The following EPHA3 variants were observed in gnomAD, a reference collection of about 807,000 sequenced individuals.
EPHA3 encodes the protein EPH receptor A3.
Under a neutral mutation model 107.1 loss-of-function variants are expected in EPHA3, and 42 were observed. The ratio of observed to expected loss-of-function variants is 0.39; its 90% CI spans 0.31 to 0.51. EPHA3 has a LOEUF of 0.51. Ranked by LOEUF, EPHA3 falls within the 20% of genes least tolerant of loss-of-function variation. EPHA3 has a pLI of 0.78. For missense variants in EPHA3, 1,183 were observed against 1,211.2 expected, an observed-to-expected ratio of 0.98 and a Z score of 0.35; for synonymous variants, 461 against 424.8, an observed-to-expected ratio of 1.09 and a Z score of -1.05.
At chr3:89,358,142 C>CT (rs1018971646) in intron 5 of EPHA3, among the ~76,000 whole-genome samples, 3 of 150,758 alleles carry the variant, frequency 2.0e-5, no homozygotes, top group East Asian at 1.9e-4. Flanking sequence ...AGAAGAGAGA[C>CT]TTTTTTTTAC....
chr3:89,408,001 C>A, intron 8 of EPHA3, 66 bp from the exon 9 acceptor site: 1 of 1,423,288 alleles, frequency 7.0e-7, no homozygotes, highest in Non-Finnish European at 9.7e-7. Context: ...TTTGCACATT[C>A]TGAGCATAGG....
intron 5 of EPHA3, among the ~76,000 whole-genome samples, chr3:89,373,724 A>G (rs1708349648): frequency 6.6e-6 from 1 of 151,764 alleles, no homozygotes; most frequent in Non-Finnish European, 1.5e-5. Context: ...CACCATGAGA[A>G]TTGACAGGAA....
intron 5 of EPHA3, among the ~76,000 whole-genome samples, chr3:89,362,034 G>T (rs1708102130): frequency 6.6e-6 from 1 of 151,028 alleles, no homozygotes; most frequent in African/African-American, 2.4e-5. Context: ...AGGTAATAAA[G>T]ACTCATACTT....
At chr3:89,254,751 T>C (rs1705241643) in intron 3 of EPHA3, among the ~76,000 whole-genome samples, 1 of 152,250 alleles carries the variant, frequency 6.6e-6, no homozygotes, top group Non-Finnish European at 1.5e-5. Flanking sequence ...AGACCATCTT[T>C]CAATGTGTGA....
chr3:89,285,861 G>A (rs1576289503), intron 3 of EPHA3, among the ~76,000 whole-genome samples: 1 of 152,050 alleles, frequency 6.6e-6, no homozygotes, highest in South Asian at 2.1e-4. Flanking sequence ...AGTTTATATA[G>A]CAGGAAAGGA....
At chr3:89,343,521 G>A (rs1433613088) in intron 5 of EPHA3, among the ~76,000 whole-genome samples, 3 of 152,140 alleles carry the variant, frequency 2.0e-5, no homozygotes, top group Non-Finnish European at 2.9e-5. Context: ...GGGGTATACA[G>A]AGCCTTTGGC....
At chr3:89,359,726 C>T (rs1218183127) in intron 5 of EPHA3, among the ~76,000 whole-genome samples, 40 of 141,646 alleles carry the variant, frequency 2.8e-4, no homozygotes, top group Middle Eastern at 4.0e-3. Context: ...TATATATATA[C>T]ATACATATAT....
chr3:89,400,102 A>G (rs1437529742), intron 7 of EPHA3: 1 of 1,002,554 alleles, frequency 1.0e-6, no homozygotes, highest in Non-Finnish European at 1.2e-6. Context: ...GCTAAAATAT[A>G]ATTTTCAAAA....
intron 3 of EPHA3, among the ~76,000 whole-genome samples, chr3:89,242,605 T>A (rs535612760): frequency 6.6e-6 from 1 of 151,822 alleles, no homozygotes; most frequent in Admixed American, 6.6e-5. Flanking sequence ...ACCTGGCTAA[T>A]TTTTTGTATT....
intron 3 of EPHA3, among the ~76,000 whole-genome samples, chr3:89,264,035 A>G (rs1402315353): frequency 6.6e-6 from 1 of 152,130 alleles, no homozygotes; most frequent in African/African-American, 2.4e-5. Flanking sequence ...ACAGCCCAAC[A>G]TTCCCAAAAG....
At chr3:89,244,316 T>C (rs552669656) in intron 3 of EPHA3, among the ~76,000 whole-genome samples, 1 of 152,160 alleles carries the variant, frequency 6.6e-6, no homozygotes, top group East Asian at 1.9e-4. Context: ...GTTGCTTATG[T>C]GTTTAAACTT....
intron 2 of EPHA3, among the ~76,000 whole-genome samples, chr3:89,135,066 C>A (rs1234991934): frequency 6.6e-6 from 1 of 152,080 alleles, no homozygotes; most frequent in Non-Finnish European, 1.5e-5. Context: ...ATAATTGAGG[C>A]AGTTTAAACA....
chr3:89,216,623 T>C (rs1704229100), intron 3 of EPHA3, among the ~76,000 whole-genome samples: 1 of 152,096 alleles, frequency 6.6e-6, no homozygotes, highest in African/African-American at 2.4e-5. Context: ...TCCTTAGCTC[T>C]GATTTGCTGC....
chr3:89,138,842 C>G (rs1704369191), intron 2 of EPHA3, among the ~76,000 whole-genome samples: 1 of 151,626 alleles, frequency 6.6e-6, no homozygotes, highest in Non-Finnish European at 1.5e-5. Flanking sequence ...TTATGTTAAT[C>G]AGATTATAGT....
chr3:89,335,720 A>C (rs1475693090), intron 3 of EPHA3, among the ~76,000 whole-genome samples: 1 of 152,142 alleles, frequency 6.6e-6, no homozygotes, highest in Non-Finnish European at 1.5e-5. Context: ...CTTCTTACAA[A>C]ATGGGAGAAA....
intron 5 of EPHA3, among the ~76,000 whole-genome samples, chr3:89,384,571 T>C (rs1046742432): frequency 2.0e-5 from 3 of 152,192 alleles, no homozygotes; most frequent in Non-Finnish European, 2.9e-5. Flanking sequence ...TTTTCATACA[T>C]AAAATTAAGA....
intron 2 of EPHA3, among the ~76,000 whole-genome samples, chr3:89,201,143 G>A (rs571995248): frequency 6.6e-6 from 1 of 152,258 alleles, no homozygotes; most frequent in South Asian, 2.1e-4. Flanking sequence ...GAAGGCAAAA[G>A]GGAAGCCAGC....
intron 5 of EPHA3, among the ~76,000 whole-genome samples, chr3:89,360,817 A>G (rs1436123980): frequency 2.0e-5 from 3 of 151,308 alleles, no homozygotes; most frequent in South Asian, 2.1e-4. Flanking sequence ...AAATTATGTC[A>G]TAACTAATCA....
chr3:89,131,731 C>CTCTT (rs1270419352), intron 2 of EPHA3, among the ~76,000 whole-genome samples: 2 of 152,062 alleles, frequency 1.3e-5, no homozygotes, highest in African/African-American at 4.8e-5. Context: ...TTGTGGAAAA[C>CTCTT]AGAAAGAGGT....
Sources: gnomAD v4.1 joint callset for allele counts (sites outside exome capture counted in the v4.1 genomes callset) on GRCh38, gnomAD v4.1.1 for gene constraint, MANE v1.5 for transcripts, NCBI Gene and HGNC (gene_info 2026-07-23, HGNC 2026-07-21) for gene names.